ALDH4A1: variants seen among roughly 807,000 people sequenced by gnomAD.
ALDH4A1 encodes the protein delta-1-pyrroline-5-carboxylate dehydrogenase, mitochondrial.
In ALDH4A1, 46 loss-of-function variants were observed where a neutral mutation model predicts 70.5. The observed-to-expected ratio is 0.65, with a 90% confidence interval of 0.51 to 0.83. The LOEUF is 0.83. ALDH4A1 is among the 40% of genes least tolerant of loss of function. The pLI, the probability that ALDH4A1 is intolerant of heterozygous loss-of-function variation, is 0.00. For synonymous variants in ALDH4A1, 323 were observed against 324.3 expected (o/e 1.00, Z 0.04); for missense variants, 749 against 766.5 (o/e 0.98, Z 0.27).
intron 5 of ALDH4A1, 63 bp from the exon 6 acceptor site, chr1:18,883,491 A>G: frequency 6.2e-7 from 1 of 1,605,744 alleles, no homozygotes; most frequent in South Asian, 1.1e-5. Flanking sequence ...CTCTTCTCAC[A>G]TCTGACGCTG....
chr1:18,900,843 C>T, intron 1 of ALDH4A1: 1 of 984,628 alleles, frequency 1.0e-6, no homozygotes, highest in Non-Finnish European at 1.2e-6. Context: ...AGATCGTTTC[C>T]CATGATAATA....
rs1196681976 is a variant in ALDH4A1, at chr1:18,898,740, G to C, written c.62+3722C>G. Among the ~76,000 whole-genome samples the C allele has an allele frequency of 6.6e-6, 1 of 152,222 alleles. No homozygotes were observed. Among genetic ancestry groups the C allele is most frequent in the Admixed American group, 6.5e-5 (1 of 15,284 alleles). The stretch of plus-strand genomic sequence containing the variant: ...GCCAAGAGTTGGAGCCAGGATCCAA[G>C]CCATGCTGTGTTCTGGACCATCTCA... On this transcript the variant is annotated intron_variant, in intron 1 of 14. Transcript: ENST00000375341. The surrounding 1 kb of genome is among the most constrained non-coding windows in gnomAD (Gnocchi z 4.3).
chr1:18,882,243 A>G (rs1304653410), intron 7 of ALDH4A1, among the ~76,000 whole-genome samples: 1 of 152,144 alleles, frequency 6.6e-6, no homozygotes, highest in East Asian at 1.9e-4. Context: ...CTCTCAGCAC[A>G]TGTCCTGGGT....
Position 18,877,211 on chromosome 1 carries a change from G to A in ALDH4A1, c.1182C>T (p.Ala394=), listed in dbSNP as rs1934735747. The A allele has an allele frequency of 6.2e-7, 1 of 1,608,458 alleles. No individual in the cohort carries two copies. Residue 394 remains alanine (A), a synonymous_variant, in exon 11 of 15, where the codon GCC becomes GCT. Coordinates refer to ENST00000375341, the MANE Select transcript of ALDH4A1 (RefSeq NM_003748.4). ...ACGCCCACTTCCCACCCCGTACCTT[G>A]GCATCAATCACTGCAGAGAAGAAGG... The part of the protein sequence containing the change: ...FGTFFSAVID[A]KSFARIKKWL...
In ALDH4A1 at chr1:18,878,699, C is replaced by A. The variant is rs72936427; in HGVS notation, c.940+601G>T. On this transcript the variant is annotated intron_variant, in intron 9 of 14. Coordinates refer to ENST00000375341, the MANE Select transcript of ALDH4A1 (RefSeq NM_003748.4). Reference sequence around the variant, plus strand: ...ACCTTGTCCTTGAAGATGTGCCATGCGTATTAGAGCATTCAAGGCTCTGAG... The same window carrying A: ...ACCTTGTCCTTGAAGATGTGCCATGAGTATTAGAGCATTCAAGGCTCTGAG... Among the ~76,000 whole-genome samples the A allele has an allele frequency of 3.4e-3, 521 of 152,302 alleles. 3 individuals carry two copies. The highest frequency in any genetic ancestry group is 0.012 in the African/African-American group (489 of 41,562).
chr1:18,885,696 G>T, intron 4 of ALDH4A1, 68 bp from the exon 5 acceptor site: 31 of 1,605,216 alleles, frequency 1.9e-5, no homozygotes, highest in Non-Finnish European at 2.6e-5. Flanking sequence ...GTGAGCGAGG[G>T]AGGAGAGACC....
intron 1 of ALDH4A1, among the ~76,000 whole-genome samples, chr1:18,896,901 A>C (rs1272158971): frequency 6.6e-6 from 1 of 151,990 alleles, no homozygotes. Context: ...TCAAAAAAAA[A>C]AAAAAGAAAG....
Position 18,874,460 on chromosome 1 carries a change from C to T in ALDH4A1, c.1579+3G>A. Reference sequence around the variant, plus strand: ...TCCCCTGTGGGAAGGGGGACCCACTCACCAGAGGCTCGGGCCCCCCCAAAG... The same window carrying T: ...TCCCCTGTGGGAAGGGGGACCCACTTACCAGAGGCTCGGGCCCCCCCAAAG... On this transcript the variant is annotated splice_donor_region_variant and intron_variant, in intron 14 of 14. Coordinates refer to ENST00000375341, the MANE Select transcript of ALDH4A1 (RefSeq NM_003748.4). The T allele has an allele frequency of 1.2e-6, 2 of 1,613,776 alleles. No homozygotes were observed. The highest frequency in any genetic ancestry group is 1.1e-5 in the South Asian group (1 of 91,074).
At chr1:18,901,997 G>C (rs1935815710) in intron 1 of ALDH4A1, among the ~76,000 whole-genome samples, 1 of 151,788 alleles carries the variant, frequency 6.6e-6, no homozygotes, top group Non-Finnish European at 1.5e-5. Context: ...AGAAATCCTG[G>C]TAGAAGGAGA....
In ALDH4A1 at chr1:18,872,835, C is replaced by A. The variant is rs370813324; in HGVS notation, c.*10G>T. The A allele has an allele frequency of 4.5e-5, 73 of 1,610,098 alleles. No individual in the cohort carries two copies. The highest frequency in any genetic ancestry group is 5.9e-5 in the Non-Finnish European group (69 of 1,177,470). ...GGACAGACAGCTGGACGGTGGAGCC[C>A]GAGAGGGGCTCACTGCATGTACGCG... is the stretch of plus-strand genomic sequence containing the variant. On this transcript the variant is annotated 3_prime_UTR_variant, in exon 15 of 15. Transcript: ENST00000375341.
intron 13 of ALDH4A1, 141 bp downstream of exon 13, chr1:18,875,241 G>T: frequency 7.1e-7 from 1 of 1,400,670 alleles, no homozygotes; most frequent in Non-Finnish European, 1.0e-6. Context: ...GCGAGCCCTG[G>T]CTGCCTGTCT....
intron 13 of ALDH4A1, 38 bp from the exon 14 acceptor site, chr1:18,874,619 A>C: frequency 4.7e-5 from 75 of 1,599,760 alleles, no homozygotes; most frequent in Non-Finnish European, 6.1e-5. Context: ...CAACCAGCTC[A>C]TCTCCCCTCC....
Position 18,872,609 on chromosome 1 carries a change from C to T in ALDH4A1, c.*236G>A, listed in dbSNP as rs951420363. On this transcript the variant is annotated 3_prime_UTR_variant, in exon 15 of 15. Transcript: ENST00000375341. ...GAACCTGCCAGGCACCAGGGTCATACCTCCCACATGGCCGATGGGATAAGG... is the reference window on the plus strand; with the variant it reads ...GAACCTGCCAGGCACCAGGGTCATATCTCCCACATGGCCGATGGGATAAGG... 1.4e-5 allele frequency: 6 copies of T among 442,998 alleles called. No homozygotes were observed. Among genetic ancestry groups the T allele is most frequent in the Middle Eastern group, 6.0e-4 (1 of 1,670 alleles). The allele number at this position is 442,998 out of a possible 1,614,324, so 27.4% of individuals were successfully genotyped here.
intron 1 of ALDH4A1, among the ~76,000 whole-genome samples, chr1:18,892,734 C>T (rs1935486081): frequency 6.6e-6 from 1 of 152,084 alleles, no homozygotes; most frequent in African/African-American, 2.4e-5. Flanking sequence ...ACTCTGCCTC[C>T]CACTAGCTGT....
chr1:18,877,629 TGGGG>T lies in ALDH4A1; in HGVS notation c.941-21_941-18del. 1 of 683,916 alleles carries T rather than the reference TGGGG, an allele frequency of 1.5e-6. No homozygotes were observed. Among genetic ancestry groups the T allele is most frequent in the Non-Finnish European group, 2.6e-6 (1 of 389,452 alleles). The allele number at this position is 683,916 out of a possible 1,614,324, so 42.4% of individuals were successfully genotyped here. On this transcript the variant is annotated intron_variant, in intron 9 of 14. Transcript: ENST00000375341. Reference sequence around the variant, plus strand: ...CGCCGCACTCTACAGGGGTCGGGGGTGGGGAAATGACCAGAGGAGCTGGCTCCCC... The same window carrying T: ...CGCCGCACTCTACAGGGGTCGGGGGTAAATGACCAGAGGAGCTGGCTCCCC...
chr1:18,887,468 G>A lies in ALDH4A1; in HGVS notation c.250-957C>T, dbSNP rs746328536. On this transcript the variant is annotated intron_variant, in intron 3 of 14. Transcript: ENST00000375341. Reference sequence around the variant, plus strand: ...CAAAAAATTAGCTGGGCGTGGTGGCGGATGCCTGTAATCCCAGCTACTGGG... The same window carrying A: ...CAAAAAATTAGCTGGGCGTGGTGGCAGATGCCTGTAATCCCAGCTACTGGG... Among the ~76,000 whole-genome samples the A allele has an allele frequency of 3.9e-5, 6 of 152,160 alleles. No homozygotes were observed. In the South Asian group the frequency reaches 8.3e-4, roughly 21 times the overall value.
chr1:18,875,767 C>CG (rs1934654645), intron 12 of ALDH4A1, among the ~76,000 whole-genome samples: 1 of 152,196 alleles, frequency 6.6e-6, no homozygotes, highest in African/African-American at 2.4e-5. Flanking sequence ...AACCCACACC[C>CG]GGAGAACTAA....
chr1:18,879,232 C>T, intron 9 of ALDH4A1, 68 bp downstream of exon 9: 3 of 1,470,218 alleles, frequency 2.0e-6, no homozygotes, highest in Non-Finnish European at 1.9e-6. Flanking sequence ...TACCTCCCTC[C>T]TCTTTCATAA....
chr1:18,876,378 C>T lies in ALDH4A1; in HGVS notation c.1275G>A (p.Val425=). The T allele has an allele frequency of 6.2e-7, 1 of 1,613,810 alleles. No individual in the cohort carries two copies. The highest frequency in any genetic ancestry group is 8.5e-7 in the Non-Finnish European group (1 of 1,179,942). The change falls in exon 12 of 15, where the codon GTG becomes GTA. Residue 425 remains valine (V), a synonymous_variant. Coordinates refer to ENST00000375341, the MANE Select transcript of ALDH4A1 (RefSeq NM_003748.4). ...CGATGCAGGGCTCCACAAAGTAGCC[C>T]ACGGAGTCATCACACTTGCCCCCGG... ...ILAGGKCDDS[V]GYFVEPCIVE...
Sources: gnomAD v4.1 joint callset for allele counts (sites outside exome capture counted in the v4.1 genomes callset) on GRCh38, gnomAD v4.1.1 for gene constraint, Gnocchi (gnomAD v3.1) non-coding constraint, MANE v1.5 for transcripts, NCBI Gene and HGNC (gene_info 2026-07-23, HGNC 2026-07-21) for gene names.